The following SARNP variants were observed in gnomAD, a reference collection of about 807,000 sequenced individuals.
The protein encoded by SARNP is SAP domain-containing ribonucleoprotein.
Under a neutral mutation model 38.1 loss-of-function variants are expected in SARNP, and 5 were observed. The observed-to-expected ratio is 0.13, with a 90% CI of 0.07 to 0.28. The LOEUF (loss-of-function observed/expected upper bound fraction) is 0.28. Ranked by LOEUF, SARNP falls within the 10% of genes least tolerant of loss-of-function variation. The probability of loss-of-function intolerance (pLI) is 1.00; values close to 1 mark genes in which losing one functional copy is unlikely to be tolerated. For synonymous variants in SARNP, 84 were observed against 80.6 expected (o/e 1.04, Z -0.23); for missense variants, 180 against 243.9 (o/e 0.74, Z 1.75).
downstream of SARNP, chr12:55,754,590 A>G (rs1878444506): frequency 6.6e-6 from 1 of 152,216 alleles, no homozygotes; most frequent in African/African-American, 2.4e-5. Flanking sequence ...ACACACAAAC[A>G]TGTTCAAACT....
chr12:55,788,997 G>T, intron 9 of SARNP, 78 bp downstream of exon 9: 1 of 893,178 alleles, frequency 1.1e-6, no homozygotes, highest in African/African-American at 1.7e-5. Context: ...ATTCTCAGGA[G>T]GGTCATTTCC....
chr12:55,785,311 GAA>G (rs773816300), intron 9 of SARNP, among the ~76,000 whole-genome samples: 3 of 152,086 alleles, frequency 2.0e-5, no homozygotes, highest in Non-Finnish European at 4.4e-5. Flanking sequence ...AATGGGCGCT[GAA>G]ATCTTATCAA....
chr12:55,792,244 C>T (rs929683050), intron 7 of SARNP, among the ~76,000 whole-genome samples: 6 of 152,112 alleles, frequency 3.9e-5, no homozygotes, highest in Admixed American at 3.3e-4. Context: ...TTTAAAAGCA[C>T]AGCAAAACAC....
At chr12:55,766,355 G>T (rs562784740) in intron 9 of SARNP, among the ~76,000 whole-genome samples, 1 of 151,868 alleles carries the variant, frequency 6.6e-6, no homozygotes, top group Non-Finnish European at 1.5e-5. Context: ...GTCCTTACTG[G>T]CCAAATACAT....
chr12:55,767,110 T>TGTGCAAAG (rs1878861428), intron 9 of SARNP, among the ~76,000 whole-genome samples: 1 of 152,230 alleles, frequency 6.6e-6, no homozygotes, highest in Non-Finnish European at 1.5e-5. Flanking sequence ...AAGAGTGCTT[T>TGTGCAAAG]GCACACAGGA....
chr12:55,778,496 T>C (rs896965182), intron 9 of SARNP, among the ~76,000 whole-genome samples: 8 of 152,030 alleles, frequency 5.3e-5, no homozygotes, highest in Non-Finnish European at 7.4e-5. Context: ...GTTTGTTCCA[T>C]TGGGAGGGTG....
chr12:55,797,016 A>G (rs1879840618), intron 4 of SARNP, among the ~76,000 whole-genome samples: 1 of 152,184 alleles, frequency 6.6e-6, no homozygotes, highest in Non-Finnish European at 1.5e-5. Flanking sequence ...GTTCGGAAGT[A>G]CCCACGATAA....
downstream of SARNP, chr12:55,757,077 A>G (rs779134114): frequency 8.2e-4 from 126 of 153,024 alleles, no homozygotes; most frequent in Admixed American, 4.6e-4. Context: ...TTCACAGAGG[A>G]TAAAAAATGC....
intron 2 of SARNP, 95 bp downstream of exon 2, chr12:55,803,534 T>C (rs1880046951): frequency 1.4e-6 from 1 of 691,388 alleles, no homozygotes; most frequent in Non-Finnish European, 2.4e-6. Context: ...AGAGCTTACA[T>C]TGCTAATGAC....
Position 55,813,378 on chromosome 12 carries a change from A to C in SARNP, c.36+4288T>G, listed in dbSNP as rs182517431. ...TGAGTGAAACACCTGAAAGGGGTGTAGTAATTAATTAGATAAACGTGTTAG... is the reference window on the plus strand; with the variant it reads ...TGAGTGAAACACCTGAAAGGGGTGTCGTAATTAATTAGATAAACGTGTTAG... On this transcript the variant is annotated intron_variant, in intron 1 of 10. Coordinates refer to ENST00000336133, the MANE Select transcript of SARNP (RefSeq NM_033082.4). 2.7e-3 allele frequency among the ~76,000 whole-genome samples: 411 copies of C among 152,292 alleles called. 2 individuals are homozygous for C. Among genetic ancestry groups the C allele is most frequent in the Non-Finnish European group, 2.2e-3 (151 of 68,010 alleles).
chr12:55,790,473 CAG>C lies in SARNP; in HGVS notation c.432+92_432+93del, dbSNP rs1417277656. On this transcript the variant is annotated intron_variant, in intron 8 of 10. Transcript: ENST00000336133. The stretch of plus-strand genomic sequence containing the variant: ...AAAAGAGTCAACAAATTAATGTTCT[CAG>C]AGTTTCCTCTAATCTGGGGAGGAGG... 4.5e-6 allele frequency: 6 copies of C among 1,326,872 alleles called. No individual in the cohort carries two copies. The African/African-American group carries it at 7.6e-5, about 17-fold the overall frequency. 82.2% of individuals were successfully genotyped at this position (1,326,872 alleles called of 1,614,324 possible).
At chr12:55,789,400 G>A (rs1565678002) in intron 8 of SARNP, among the ~76,000 whole-genome samples, 1 of 152,160 alleles carries the variant, frequency 6.6e-6, no homozygotes, top group African/African-American at 2.4e-5. Flanking sequence ...AAGATCAAGG[G>A]AAGCCAAACA....
rs571113050 is a variant in SARNP at position 55,771,083 on chromosome 12, G to A, written c.502-10443C>T. Reference sequence around the variant, plus strand: ...CTCCCAAGTAGCTGGGATTACAGGCGCATGCCACCACGCCTGGCTGTTTTT... The same window carrying A: ...CTCCCAAGTAGCTGGGATTACAGGCACATGCCACCACGCCTGGCTGTTTTT... On this transcript the variant is annotated intron_variant, in intron 9 of 10. Transcript: ENST00000336133. 9.7e-4 allele frequency among the ~76,000 whole-genome samples: 147 copies of A among 151,942 alleles called. 1 individual carries two copies. Among genetic ancestry groups the A allele is most frequent in the Non-Finnish European group, 1.6e-3 (110 of 67,952 alleles).
At chr12:55,804,894 T>C (rs1880091774) in intron 1 of SARNP, among the ~76,000 whole-genome samples, 1 of 152,198 alleles carries the variant, frequency 6.6e-6, no homozygotes, top group East Asian at 1.9e-4. Flanking sequence ...ATTTTACAAC[T>C]ATGGAGGATG....
At chr12:55,815,462 CTTTT>C (rs753534999) in intron 1 of SARNP, among the ~76,000 whole-genome samples, 9 of 152,036 alleles carry the variant, frequency 5.9e-5, no homozygotes, top group Non-Finnish European at 1.3e-4. Flanking sequence ...GGCATGAGTT[CTTTT>C]TTTCTTTTTG....
chr12:55,801,587 G>A (rs556242625), intron 2 of SARNP, among the ~76,000 whole-genome samples: 234 of 152,246 alleles, frequency 1.5e-3, no homozygotes, highest in African/African-American at 3.8e-3. Flanking sequence ...TCTACTTAAG[G>A]ATAGCACAAA....
chr12:55,761,074 G>A lies in SARNP; in HGVS notation c.502-434C>T, dbSNP rs78565065. On this transcript the variant is annotated intron_variant, in intron 9 of 10. Coordinates refer to ENST00000336133, the MANE Select transcript of SARNP (RefSeq NM_033082.4). ...CGCCTGTAATCCCAGCTACTAGGGA[G>A]GCTGAGGCAGAGAACTGCTTGAACC... is the stretch of plus-strand genomic sequence containing the variant. 9.0e-4 allele frequency among the ~76,000 whole-genome samples: 137 copies of A among 152,188 alleles called. 4 individuals carry two copies. The East Asian group carries it at 0.02, about 23-fold the overall frequency.
At chr12:55,774,572 AAACAAACAAAAAAAAAAAAAC>A (rs1879111403) in intron 9 of SARNP, among the ~76,000 whole-genome samples, 2 of 62,512 alleles carry the variant, frequency 3.2e-5, no homozygotes, top group Admixed American at 2.2e-4. Flanking sequence ...AAAAAAAAAA[AAACAAACAAAAAAAAAAAAAC>A]AAAAATTAGC....
chr12:55,760,423 AC>A, intron 10 of SARNP, 127 bp downstream of exon 10: 1 of 617,818 alleles, frequency 1.6e-6, no homozygotes, highest in Non-Finnish European at 2.8e-6. Context: ...GGCAACAGAG[AC>A]CCCAACTCGA....
Sources: allele counts gnomAD v4.1 joint callset (sites outside exome capture counted in the v4.1 genomes callset), GRCh38; gene constraint gnomAD v4.1.1; transcripts MANE v1.5; gene names NCBI Gene and HGNC (gene_info 2026-07-23, HGNC 2026-07-21).